Variants in PCNT observed in about 807,000 individuals in gnomAD.
The protein encoded by PCNT is kendrin.
In PCNT, 319 loss-of-function variants were observed where a neutral mutation model predicts 380.4. The ratio of observed to expected loss-of-function variants is 0.84; its 90% CI spans 0.77 to 0.92. The LOEUF (loss-of-function observed/expected upper bound fraction) is 0.92, where lower values mean the gene tolerates loss of function less well. Among genes scored for constraint, PCNT ranks in the 40% least tolerant of loss-of-function variants. The probability of loss-of-function intolerance (pLI) is 0.00; values close to 1 mark genes in which losing one functional copy is unlikely to be tolerated. For synonymous variants in PCNT, 1,845 were observed against 1,735.2 expected (o/e 1.06, Z -1.57); for missense variants, 4,400 against 4,255.3 (o/e 1.03, Z -0.95).
chr21:46,388,846 G>A lies in PCNT; in HGVS notation c.3569G>A (p.Cys1190Tyr), dbSNP rs757643083. The change falls in exon 18 of 47, where the codon TGC becomes TAC. Residue 1190 changes from cysteine to tyrosine, a missense_variant. Cys to Tyr is a radical substitution (Grantham distance 194, BLOSUM62 -2). Coordinates refer to ENST00000359568, the MANE Select transcript of PCNT (RefSeq NM_006031.6). The surrounding 1 kb of genome is among the most constrained non-coding windows in gnomAD (Gnocchi z 4.2). ...CGGATCGGGGAGCGCGTGGGGCTCT[G>A]CCTGGATGACGCGGGCGCAGGCCTG... ...RSRIGERVGLCLDDAGAGLAL... is the reference protein window; with the variant it reads ...RSRIGERVGLYLDDAGAGLAL... 2 of 1,611,026 alleles carry A rather than the reference G, an allele frequency of 1.2e-6. No individual in the cohort carries two copies. The highest frequency in any genetic ancestry group is 1.3e-5 in the African/African-American group (1 of 74,898).
At chr21:46,409,049 GTTCGGTTTCTTATTGTTTTGGGAATTC>G (rs1449419894) in intron 27 of PCNT, among the ~76,000 whole-genome samples, 1 of 151,914 alleles carries the variant, frequency 6.6e-6, no homozygotes, top group Non-Finnish European at 1.5e-5. Context: ...AAGTTGGATT[GTTCGGTTTCTTATTGTTTTGGGAATTC>G]TTTATATCTT....
At position 46,366,986 on chromosome 21, in the gene PCNT, G is replaced by C; in HGVS notation, c.3012G>C (p.Lys1004Asn). The change falls in exon 15 of 47, where the codon AAG becomes AAC. Residue 1004 changes from lysine (K) to asparagine (N), a missense_variant. Lys to Asn is a moderately conservative substitution (Grantham distance 94). Coordinates refer to ENST00000359568, the MANE Select transcript of PCNT (RefSeq NM_006031.6). ...ACTTTGAGGAACAACTGTGGAAAAA[G>C]GACTCTCTTCACCAAACGATTTTGA... is the stretch of plus-strand genomic sequence containing the variant. ...RADFEEQLWK[K>N]DSLHQTILTQ... The C allele has an allele frequency of 6.2e-7, 1 of 1,614,222 alleles. No individual in the cohort carries two copies. The highest frequency in any genetic ancestry group is 8.5e-7 in the Non-Finnish European group (1 of 1,180,046).
intron 32 of PCNT, among the ~76,000 whole-genome samples, chr21:46,424,562 A>G (rs2087407568): frequency 6.6e-6 from 1 of 152,186 alleles, no homozygotes; most frequent in Non-Finnish European, 1.5e-5. Context: ...TTTGTAAGAG[A>G]TGTTTTTTAA....
At chr21:46,441,414 TGCTCCC>T (rs1377059048) in intron 43 of PCNT, among the ~76,000 whole-genome samples, 17 of 152,212 alleles carry the variant, frequency 1.1e-4, no homozygotes, top group African/African-American at 4.1e-4. Flanking sequence ...CGGCTGTGCC[TGCTCCC>T]TGATGCCACA....
intron 1 of PCNT, chr21:46,325,227 C>A (rs1012439127): frequency 1.0e-5 from 10 of 983,168 alleles, no homozygotes; most frequent in South Asian, 9.4e-5. Flanking sequence ...GCCGCTCCCC[C>A]CCAGGATGTT....
At position 46,355,538 on chromosome 21, in the gene PCNT, C is replaced by A; in HGVS notation, c.1848C>A (p.His616Gln). ...EALESPLCIQ[H>Q]EGHVSDRCCV... ...TGGAGTCTCCCCTCTGCATCCAGCA[C>A]GAGGGGCATGTCTCAGACAGATGCT... The change falls in exon 12 of 47, where the codon CAC (histidine) becomes CAA (glutamine). Residue 616 changes from histidine to glutamine, a missense_variant. His to Gln is a conservative substitution (Grantham distance 24). Coordinates refer to ENST00000359568, the MANE Select transcript of PCNT (RefSeq NM_006031.6). 1 of 1,613,964 alleles carries A rather than the reference C, an allele frequency of 6.2e-7. No homozygotes were observed. Among genetic ancestry groups the A allele is most frequent in the African/African-American group, 1.3e-5 (1 of 75,052 alleles).
chr21:46,349,776 T>C lies in PCNT; in HGVS notation c.1300T>C (p.Leu434=), dbSNP rs1384003964. The C allele has an allele frequency of 6.2e-7, 1 of 1,614,128 alleles. No individual in the cohort carries two copies. The highest frequency in any genetic ancestry group is 1.1e-5 in the South Asian group (1 of 91,084). ...QSEHGRCLED[L]EFKFKESEKE... is the part of the protein sequence containing the mutation. ...CGAGCACGGCCGGTGTTTAGAAGAC[T>C]TGGAGTTCAAGTTCAAAGAGAGCGA... Residue 434 remains leucine (L), a synonymous_variant, in exon 8 of 47, where the codon TTG becomes CTG. Transcript: ENST00000359568.
At chr21:46,356,639 C>T (rs2084489263) in intron 12 of PCNT, among the ~76,000 whole-genome samples, 1 of 152,224 alleles carries the variant, frequency 6.6e-6, no homozygotes, top group African/African-American at 2.4e-5. Flanking sequence ...CATCTGGTCA[C>T]AGGCATGAGG....
intron 38 of PCNT, among the ~76,000 whole-genome samples, chr21:46,435,374 C>T (rs1274149073): frequency 1.3e-5 from 2 of 151,926 alleles, no homozygotes; most frequent in Admixed American, 1.3e-4. Context: ...TACAGGTGCG[C>T]ACCACCACGC....
chr21:46,354,998 A>G (rs2084420092), intron 11 of PCNT, among the ~76,000 whole-genome samples: 1 of 152,210 alleles, frequency 6.6e-6, no homozygotes, highest in African/African-American at 2.4e-5. Context: ...GTATCACCTG[A>G]GAGCCAACCC....
At position 46,349,195 on chromosome 21, in the gene PCNT, T is replaced by C. The variant is rs372223976; in HGVS notation, c.1207+9T>C. 39 of 1,610,888 alleles carry C rather than the reference T, an allele frequency of 2.4e-5. No homozygotes were observed. The highest frequency in any genetic ancestry group is 3.1e-5 in the Non-Finnish European group (36 of 1,177,206). ...CAAAAACCAGGCTGAACGTAAGTAA[T>C]GAAAATGAGCAAGTTTGGAGTGGGA... is the stretch of plus-strand genomic sequence containing the variant. On this transcript the variant is annotated intron_variant, in intron 7 of 46. Transcript: ENST00000359568.
chr21:46,379,614 T>A (rs2085446511), intron 15 of PCNT, among the ~76,000 whole-genome samples: 2 of 152,188 alleles, frequency 1.3e-5, no homozygotes, highest in South Asian at 4.1e-4. Flanking sequence ...CCTTGGAGAC[T>A]GCTGAGTTTT....
chr21:46,350,024 C>T (rs1221873840), intron 8 of PCNT, among the ~76,000 whole-genome samples: 1 of 151,890 alleles, frequency 6.6e-6, no homozygotes, highest in Non-Finnish European at 1.5e-5. Context: ...GAGTTTGAGA[C>T]AAAAATTAGC....
chr21:46,326,474 A>G lies in PCNT; in HGVS notation c.152A>G (p.Gln51Arg). The change falls in exon 2 of 47, where the codon CAG (glutamine) becomes CGG (arginine). Residue 51 changes from glutamine to arginine, a missense_variant. Gln to Arg is a conservative substitution (Grantham distance 43, BLOSUM62 1). Coordinates refer to ENST00000359568, the MANE Select transcript of PCNT (RefSeq NM_006031.6). ...RKGSAVDASVQEESPVTKEDS... is the reference protein window; with the variant it reads ...RKGSAVDASVREESPVTKEDS... ...GGCTCGGCTGTCGATGCGTCTGTCC[A>G]GGAGGAGAGTCCGGTAACCAAGGAG... is the stretch of plus-strand genomic sequence containing the variant. 6.2e-7 allele frequency: 1 copy of G among 1,614,244 alleles called. No homozygotes were observed. Among genetic ancestry groups the G allele is most frequent in the Non-Finnish European group, 8.5e-7 (1 of 1,180,028 alleles).
At chr21:46,444,004 A>G (rs1291551253) in intron 45 of PCNT, 56 bp downstream of exon 45, 8 of 1,566,398 alleles carry the variant, frequency 5.1e-6, no homozygotes, top group Admixed American at 3.5e-5. Flanking sequence ...TCCAGCCTAC[A>G]TAGGGCCTCA....
intron 3 of PCNT, among the ~76,000 whole-genome samples, chr21:46,343,044 C>T (rs2083954233): frequency 6.6e-6 from 1 of 152,106 alleles, no homozygotes; most frequent in South Asian, 2.1e-4. Context: ...CTGAATTCAT[C>T]GATCAGATGT....
intron 32 of PCNT, among the ~76,000 whole-genome samples, chr21:46,424,790 C>T (rs1397646201): frequency 1.3e-5 from 2 of 151,206 alleles, no homozygotes; most frequent in Admixed American, 6.6e-5. Context: ...CCCCGCTCCC[C>T]TCAACCCCAC....
rs2053728416 is a variant in PCNT at position 46,445,438 on chromosome 21, G to C, written c.*111G>C. 2.3e-6 allele frequency: 2 copies of C among 852,966 alleles called. No individual in the cohort carries two copies. Among genetic ancestry groups the C allele is most frequent in the Admixed American group, 3.4e-5 (2 of 58,540 alleles). 52.8% of individuals were successfully genotyped at this position (852,966 alleles called of 1,614,324 possible). A position where few individuals can be genotyped will look rare whatever the true frequency, so the allele number is the denominator to read the frequency against. ...GCATGGGCACTACTCTTCATGTGCGGTGACACCAGCCCCCAGATGCCTTGA... is the reference window on the plus strand; with the variant it reads ...GCATGGGCACTACTCTTCATGTGCGCTGACACCAGCCCCCAGATGCCTTGA... On this transcript the variant is annotated 3_prime_UTR_variant, in exon 47 of 47. Transcript: ENST00000359568.
At chr21:46,359,642 C>T (rs1220303422) in intron 13 of PCNT, among the ~76,000 whole-genome samples, 2 of 141,958 alleles carry the variant, frequency 1.4e-5, no homozygotes, top group African/African-American at 5.2e-5. Flanking sequence ...GCACGTGCCA[C>T]CACACCCGGC....
Sources: gnomAD v4.1 joint callset for allele counts (sites outside exome capture counted in the v4.1 genomes callset) on GRCh38, gnomAD v4.1.1 for gene constraint, Gnocchi (gnomAD v3.1) non-coding constraint, MANE v1.5 for transcripts, NCBI Gene and HGNC (gene_info 2026-07-23, HGNC 2026-07-21) for gene names.